PBRM1: variants seen among roughly 807,000 people sequenced by gnomAD.
PBRM1 encodes polybromo 1.
Under a neutral mutation model 194.5 loss-of-function variants are expected in PBRM1, and 27 were observed. That is an observed-to-expected ratio of 0.14 (90% CI 0.10 to 0.19). The LOEUF (loss-of-function observed/expected upper bound fraction) is 0.19, where lower values mean the gene tolerates loss of function less well. Ranked by LOEUF, PBRM1 falls within the 10% of genes least tolerant of loss-of-function variation. The pLI is 1.00. For missense variants in PBRM1, 1,466 were observed against 2,077.2 expected (o/e 0.71, Z 5.72); for synonymous variants, 655 against 693.2 (o/e 0.94, Z 0.87).
chr3:52,595,745 T>C (rs1439965287), intron 17 of PBRM1, among the ~76,000 whole-genome samples: 1 of 152,242 alleles, frequency 6.6e-6, no homozygotes, highest in Non-Finnish European at 1.5e-5. Flanking sequence ...AATTTTTGCC[T>C]AGTCCAGTTT....
chr3:52,652,342 C>G (rs988340097), intron 5 of PBRM1, among the ~76,000 whole-genome samples: 32 of 150,398 alleles, frequency 2.1e-4, no homozygotes, highest in Non-Finnish European at 4.1e-4. Flanking sequence ...TGAGATCGTG[C>G]CATTATACTC....
At chr3:52,572,579 T>A (rs1009703933) in intron 22 of PBRM1, among the ~76,000 whole-genome samples, 8 of 152,216 alleles carry the variant, frequency 5.3e-5, no homozygotes, top group African/African-American at 1.9e-4. Flanking sequence ...TTTTACCATG[T>A]TGGCCAGGCT....
Position 52,636,979 on chromosome 3 carries a change from A to G in PBRM1, c.1088-2164T>C, listed in dbSNP as rs561039169. 2.0e-5 allele frequency among the ~76,000 whole-genome samples: 3 copies of G among 152,176 alleles called. No individual in the cohort carries two copies. The South Asian group carries it at 6.2e-4, about 32-fold the overall frequency. ...TTTTTCAAATGGGAAAACTGGGCAT[A>G]TGAGGTTAATTACTTGCACAAGTTC... On this transcript the variant is annotated intron_variant, in intron 10 of 29. Transcript: ENST00000296302.
At chr3:52,547,802 T>C (rs1353572618), downstream of PBRM1, 1 of 362,020 alleles carries the variant, frequency 2.8e-6, no homozygotes, top group East Asian at 5.1e-5. Flanking sequence ...AGTCTACATA[T>C]ACAACCAATT....
At chr3:52,565,134 G>A (rs2084741838) in intron 22 of PBRM1, among the ~76,000 whole-genome samples, 1 of 151,990 alleles carries the variant, frequency 6.6e-6, no homozygotes, top group Non-Finnish European at 1.5e-5. Flanking sequence ...GGAAGGCGGA[G>A]GTTGCAGAGA....
intron 3 of PBRM1, among the ~76,000 whole-genome samples, chr3:52,663,048 AAAC>A (rs2096759046): frequency 6.6e-6 from 1 of 152,174 alleles, no homozygotes; most frequent in Non-Finnish European, 1.5e-5. Flanking sequence ...CTTCTAGTAA[AAAC>A]AACGTTGGAT....
chr3:52,625,090 A>G (rs1273955624), intron 13 of PBRM1, 149 bp from the exon 15 acceptor site: 6 of 656,208 alleles, frequency 9.1e-6, no homozygotes, highest in Non-Finnish European at 1.6e-5. Context: ...CAAGGAAGAC[A>G]GATGTTGGCA....
At chr3:52,561,110 A>G (rs2083417786) in intron 25 of PBRM1, among the ~76,000 whole-genome samples, 1 of 151,632 alleles carries the variant, frequency 6.6e-6, no homozygotes, top group South Asian at 2.1e-4. Flanking sequence ...AAAAACAAAA[A>G]CCCAACAACA....
At chr3:52,585,011 T>G (rs750442150) in intron 20 of PBRM1, among the ~76,000 whole-genome samples, 2 of 152,166 alleles carry the variant, frequency 1.3e-5, no homozygotes, top group Non-Finnish European at 2.9e-5. Context: ...TTTCCTTTGA[T>G]CTAATGGAAT....
intron 24 of PBRM1, 24 bp downstream of exon 26, chr3:52,563,259 G>GT (rs1324794915): frequency 6.3e-7 from 1 of 1,584,542 alleles, no homozygotes; most frequent in Non-Finnish European, 8.7e-7. Flanking sequence ...AATAAGATAA[G>GT]TAACAGGAAC....
chr3:52,549,703 G>A (rs1378371317), intron 29 of PBRM1, among the ~76,000 whole-genome samples: 3 of 151,960 alleles, frequency 2.0e-5, no homozygotes, highest in South Asian at 4.1e-4. Context: ...TCAGGAGTTC[G>A]AGACCAGCCT....
intron 7 of PBRM1, 57 bp downstream of exon 8, chr3:52,648,287 C>G (rs571250136): frequency 6.2e-6 from 6 of 967,502 alleles, no homozygotes; most frequent in Non-Finnish European, 9.7e-6. Flanking sequence ...AATTACTGAC[C>G]TTAAATTATC....
rs1181493143 is a variant in PBRM1 at position 52,676,109 on chromosome 3, C to T, written c.236+2391G>A. ...CAGCCTGGGCGACAGAGCGAGACTCCGTCTCAAAAAAAAAAAAAAAAAAAA... is the reference window on the plus strand; with the variant it reads ...CAGCCTGGGCGACAGAGCGAGACTCTGTCTCAAAAAAAAAAAAAAAAAAAA... On this transcript the variant is annotated intron_variant, in intron 2 of 29. Transcript: ENST00000296302. Among the ~76,000 whole-genome samples the T allele has an allele frequency of 9.0e-5, 2 of 22,284 alleles. 1 individual carries two copies. The highest frequency in any genetic ancestry group is 1.4e-4 in the Non-Finnish European group (2 of 14,448). The allele number at this position is 22,284 out of a possible 152,430, so 14.6% of individuals were successfully genotyped here.
chr3:52,552,171 G>T (rs2081133227), intron 27 of PBRM1, among the ~76,000 whole-genome samples: 1 of 152,250 alleles, frequency 6.6e-6, no homozygotes, highest in African/African-American at 2.4e-5. Flanking sequence ...ATTAACCTCT[G>T]TGCCCATCAC....
At chr3:52,557,337 GAAACAGCAA>G (rs2082433081) in intron 26 of PBRM1, among the ~76,000 whole-genome samples, 1 of 152,120 alleles carries the variant, frequency 6.6e-6, no homozygotes, top group Non-Finnish European at 1.5e-5. Context: ...AAGCAAAAAC[GAAACAGCAA>G]AAACAGCATC....
chr3:52,561,955 G>A lies in PBRM1; in HGVS notation c.4100C>T (p.Ser1367Phe), dbSNP rs371730711. The A allele has an allele frequency of 3.8e-5, 61 of 1,613,442 alleles. 1 individual carries two copies. Among genetic ancestry groups the A allele is most frequent in the Middle Eastern group, 3.3e-4 (2 of 6,082 alleles). The change falls in exon 25 of 30, where the codon TCT becomes TTT. Residue 1367 changes from serine (S) to phenylalanine (F), a missense_variant. Ser to Phe is a radical substitution (Grantham distance 155). This residue lies in a region of PBRM1 where 687 missense variants were observed against 946.2 expected (regional missense o/e 0.73). Transcript: ENST00000296302. ...TTCCTTCTTTGCACTGCCTTTGGCA[G>A]ACTTTGGGGTAGACTGTAAGACAGA...
chr3:52,674,677 C>T (rs2097055859), intron 2 of PBRM1, among the ~76,000 whole-genome samples: 1 of 145,334 alleles, frequency 6.9e-6, no homozygotes, highest in African/African-American at 2.5e-5. Context: ...CACACACACA[C>T]ACACATATAT....
intron 26 of PBRM1, among the ~76,000 whole-genome samples, chr3:52,557,193 G>A (rs577517845): frequency 1.3e-5 from 2 of 152,342 alleles, no homozygotes; most frequent in South Asian, 4.1e-4. Flanking sequence ...TACACTGAAA[G>A]CACTGAAAGC....
chr3:52,661,158 T>C (rs917534240), intron 4 of PBRM1, among the ~76,000 whole-genome samples: 1 of 152,152 alleles, frequency 6.6e-6, no homozygotes, highest in African/African-American at 2.4e-5. Context: ...CCAGAGTAGC[T>C]GGGATTACAG....
Sources: allele counts gnomAD v4.1 joint callset (sites outside exome capture counted in the v4.1 genomes callset), GRCh38; gene constraint gnomAD v4.1.1; regional missense constraint gnomAD v4.1.1; transcripts MANE v1.5; gene names NCBI Gene and HGNC (gene_info 2026-07-23, HGNC 2026-07-21).